ZFHX3: variants seen among roughly 807,000 people sequenced by gnomAD.
ZFHX3 encodes zinc finger homeobox 3, also known as zinc finger homeobox protein 3.
Under a neutral mutation model 279.1 loss-of-function variants are expected in ZFHX3, and 42 were observed. That is an observed-to-expected ratio of 0.15 (90% CI 0.12 to 0.19). The LOEUF (loss-of-function observed/expected upper bound fraction) is 0.19, where lower values mean the gene tolerates loss of function less well. Ranked by LOEUF, ZFHX3 falls within the 10% of genes least tolerant of loss-of-function variation. The pLI is 1.00. For missense variants in ZFHX3, 4,981 were observed against 4,754.0 expected (o/e 1.05, Z -1.40); for synonymous variants, 2,293 against 1,957.8 (o/e 1.17, Z -4.52).
intron 2 of ZFHX3, among the ~76,000 whole-genome samples, chr16:73,526,334 T>G (rs1472637576): frequency 6.6e-6 from 1 of 152,198 alleles, no homozygotes; most frequent in African/African-American, 2.4e-5. Context: ...AGGCCTTATA[T>G]TAATTAGACA....
At chr16:72,891,214 ATCAGATGG>A (rs1254181684) in intron 3 of ZFHX3, among the ~76,000 whole-genome samples, 3 of 152,192 alleles carry the variant, frequency 2.0e-5, no homozygotes, top group African/African-American at 7.2e-5. Flanking sequence ...CAGTTGGTGT[ATCAGATGG>A]TCAGATGGTC....
intron 2 of ZFHX3, among the ~76,000 whole-genome samples, chr16:73,611,906 A>G (rs529609137): frequency 8.3e-4 from 126 of 152,326 alleles, no homozygotes; most frequent in Admixed American, 1.8e-3. Flanking sequence ...TTACATACAC[A>G]CACACAACTT....
chr16:73,831,715 C>G (rs889947951), intron 1 of ZFHX3, among the ~76,000 whole-genome samples: 4 of 152,104 alleles, frequency 2.6e-5, no homozygotes, highest in African/African-American at 9.7e-5. Flanking sequence ...CTCATTGGTC[C>G]TTGCATCCAC....
chr16:73,541,786 CTTTTTTTTTTTTTTT>C lies in ZFHX3; in HGVS notation c.-1546-85543_-1546-85529del, dbSNP rs546761843. Reference sequence around the variant, plus strand: ...TCCTGCCCTCCTGTTTGGTGGTTCTCTTTTTTTTTTTTTTTTTTTTTTTTTTTTTTCCCTGAGATG... The same window carrying C: ...TCCTGCCCTCCTGTTTGGTGGTTCTCTTTTTTTTTTTTTTTCCCTGAGATG... On this transcript the variant is annotated intron_variant, in intron 2 of 17. Coordinates refer to the ZFHX3 transcript ENST00000641206. Among the ~76,000 whole-genome samples, 63 of 88,144 alleles carry C rather than the reference CTTTTTTTTTTTTTTT, an allele frequency of 7.1e-4. 1 individual carries two copies. Among genetic ancestry groups the C allele is most frequent in the Admixed American group, 3.4e-3 (21 of 6,242 alleles). The allele number at this position is 88,144 out of a possible 152,430, so 57.8% of individuals were successfully genotyped here.
intron 2 of ZFHX3, among the ~76,000 whole-genome samples, chr16:72,953,811 T>C (rs975109040): frequency 2.0e-5 from 3 of 152,184 alleles, no homozygotes; most frequent in Non-Finnish European, 4.4e-5. Context: ...CAGGTTCAAG[T>C]GATCCTTGGA....
intron 3 of ZFHX3, among the ~76,000 whole-genome samples, chr16:73,350,027 A>C (rs2016209331): frequency 6.6e-6 from 1 of 151,286 alleles, no homozygotes; most frequent in South Asian, 2.1e-4. Context: ...AGAACTGGCA[A>C]GGCAGAAGCC....
rs368462520 is a variant in ZFHX3 at position 73,639,290 on chromosome 16, G to C, written c.-1547+40890C>G. On this transcript the variant is annotated intron_variant, in intron 2 of 17. Coordinates refer to the ZFHX3 transcript ENST00000641206. ...CCCTGCTCAGATATATTGCACTGGAGTATTTTTTTTCCTTCTTGCTTTTAT... is the reference window on the plus strand; with the variant it reads ...CCCTGCTCAGATATATTGCACTGGACTATTTTTTTTCCTTCTTGCTTTTAT... 2.0e-4 allele frequency among the ~76,000 whole-genome samples: 30 copies of C among 152,220 alleles called. No individual in the cohort carries two copies. The East Asian group carries it at 2.9e-3, about 15-fold the overall frequency.
intron 1 of ZFHX3, among the ~76,000 whole-genome samples, chr16:73,887,498 C>G (rs1224915370): frequency 6.6e-6 from 1 of 152,104 alleles, no homozygotes; most frequent in Non-Finnish European, 1.5e-5. Flanking sequence ...GGTTTAACTT[C>G]CAAAATGATG....
Position 73,845,295 on chromosome 16 carries a change from A to G in ZFHX3, c.-1608+46356T>C, listed in dbSNP as rs142247889. Among the ~76,000 whole-genome samples the G allele has an allele frequency of 1.4e-3, 215 of 152,314 alleles. 5 individuals carry two copies. In the East Asian group the frequency reaches 0.031, roughly 22 times the overall value. On this transcript the variant is annotated intron_variant, in intron 1 of 17. Transcript: ENST00000641206. ...ACGTTTTTTCTCTCAGATCTAACAC[A>G]GGAGCAGATTTTCAAAAACACAGGT...
At chr16:73,692,560 A>G (rs2053159804) in intron 1 of ZFHX3, among the ~76,000 whole-genome samples, 1 of 152,216 alleles carries the variant, frequency 6.6e-6, no homozygotes, top group Admixed American at 6.5e-5. Flanking sequence ...TTGCCTCTGT[A>G]TATTTTTAAC....
chr16:73,785,936 T>C (rs777778348), intron 1 of ZFHX3, among the ~76,000 whole-genome samples: 6 of 152,138 alleles, frequency 3.9e-5, no homozygotes, highest in Non-Finnish European at 8.8e-5. Context: ...AATGGTGCGA[T>C]CTTGGCTCAC....
At chr16:73,347,887 T>C (rs1276254933) in intron 3 of ZFHX3, among the ~76,000 whole-genome samples, 2 of 152,200 alleles carry the variant, frequency 1.3e-5, no homozygotes, top group Non-Finnish European at 2.9e-5. Flanking sequence ...AGCAAGAACT[T>C]TGATTCCCAT....
At chr16:72,932,147 G>A (rs976319243) in intron 3 of ZFHX3, among the ~76,000 whole-genome samples, 2 of 152,100 alleles carry the variant, frequency 1.3e-5, no homozygotes, top group African/African-American at 2.4e-5. Flanking sequence ...CCAAGCCTAC[G>A]TTCTAACTTG....
chr16:73,875,426 G>A (rs1193360596), intron 1 of ZFHX3, among the ~76,000 whole-genome samples: 1 of 152,198 alleles, frequency 6.6e-6, no homozygotes, highest in Non-Finnish European at 1.5e-5. Context: ...AGGCATTAAA[G>A]TATATTCTGT....
intron 2 of ZFHX3, among the ~76,000 whole-genome samples, chr16:73,520,698 C>A (rs1273632076): frequency 6.6e-6 from 1 of 152,142 alleles, no homozygotes; most frequent in Non-Finnish European, 1.5e-5. Context: ...AATGAATAAA[C>A]CAAGTCACCT....
At chr16:73,356,473 A>G (rs2016342795) in intron 3 of ZFHX3, among the ~76,000 whole-genome samples, 1 of 152,012 alleles carries the variant, frequency 6.6e-6, no homozygotes, top group Non-Finnish European at 1.5e-5. Context: ...TTTGTCTTCA[A>G]CTTGTCCCCA....
At chr16:73,153,487 A>T (rs1966999218) in intron 5 of ZFHX3, among the ~76,000 whole-genome samples, 1 of 152,090 alleles carries the variant, frequency 6.6e-6, no homozygotes, top group African/African-American at 2.4e-5. Flanking sequence ...AAATGGCCTC[A>T]ACACATTAAC....
chr16:72,933,714 T>G (rs1959946596), intron 3 of ZFHX3, among the ~76,000 whole-genome samples: 1 of 152,176 alleles, frequency 6.6e-6, no homozygotes, highest in African/African-American at 2.4e-5. Context: ...AGTTTTATTA[T>G]TTTAATAGAT....
At position 73,047,754 on chromosome 16, in the gene ZFHX3, G is replaced by A. The variant is rs1277785588; in HGVS notation, c.-52C>T. The A allele has an allele frequency of 6.6e-6, 1 of 152,340 alleles. No homozygotes were observed. Among genetic ancestry groups the A allele is most frequent in the African/African-American group, 2.4e-5 (1 of 41,460 alleles). The allele number at this position is 152,340 out of a possible 1,614,324, so 9.4% of individuals were successfully genotyped here. A position where few individuals can be genotyped will look rare whatever the true frequency, so the allele number is the denominator to read the frequency against. On this transcript the variant is annotated splice_region_variant and 5_prime_UTR_variant, in exon 1 of 10. Coordinates refer to ENST00000268489, the MANE Select transcript of ZFHX3 (RefSeq NM_006885.4). ...ACCCGGAGGGAGGCTGCACTCACCT[G>A]GCACACCAAGCCTCCGCGCACCTCC...
Sources: gnomAD v4.1 joint callset for allele counts (sites outside exome capture counted in the v4.1 genomes callset) on GRCh38, gnomAD v4.1.1 for gene constraint, MANE v1.5 for transcripts, NCBI Gene and HGNC (gene_info 2026-07-23, HGNC 2026-07-21) for gene names.